TBL1XR1: variants seen among roughly 807,000 people sequenced by gnomAD.
The protein encoded by TBL1XR1 is F-box-like/WD repeat-containing protein TBL1XR1.
A neutral mutation model predicts 66.9 loss-of-function variants in TBL1XR1; 5 were observed. That is an observed-to-expected ratio of 0.07 (90% CI 0.04 to 0.16). The LOEUF (loss-of-function observed/expected upper bound fraction) is 0.16. Among genes scored for constraint, TBL1XR1 ranks in the 10% least tolerant of loss-of-function variants. The pLI is 1.00. For synonymous variants in TBL1XR1, 210 were observed against 206.0 expected (o/e 1.02, Z -0.17); for missense variants, 238 against 623.2 (o/e 0.38, Z 6.58).
In TBL1XR1 at chr3:177,119,030, G is replaced by A. The variant is rs544785655; in HGVS notation, c.-121-20489C>T. ...CTTGTACCCCAGGCTGGAGTGCAGT[G>A]GCATGATCTCGGTTCACTGTAACCT... On this transcript the variant is annotated intron_variant, in intron 1 of 15. Transcript: ENST00000457928. Among the ~76,000 whole-genome samples, 309 of 152,256 alleles carry A rather than the reference G, an allele frequency of 2.0e-3. 1 individual carries two copies. Among genetic ancestry groups the A allele is most frequent in the Admixed American group, 5.0e-3 (76 of 15,298 alleles).
intron 1 of TBL1XR1, among the ~76,000 whole-genome samples, chr3:177,126,855 A>C (rs1204152982): frequency 6.6e-6 from 1 of 151,872 alleles, no homozygotes; most frequent in African/African-American, 2.4e-5. Flanking sequence ...TTTACAGAGA[A>C]ATGCCCAAAT....
chr3:177,032,864 A>G, intron 14 of TBL1XR1, 107 bp downstream of exon 14: 1 of 925,836 alleles, frequency 1.1e-6, no homozygotes, highest in Non-Finnish European at 1.5e-6. Context: ...CAATAATTCA[A>G]TTAATGCCAC....
rs185104436 is a variant in TBL1XR1, at chr3:177,157,328, T to A, written c.-122+39793A>T. On this transcript the variant is annotated intron_variant, in intron 1 of 15. Coordinates refer to ENST00000457928, the MANE Select transcript of TBL1XR1 (RefSeq NM_024665.7). ...CCTTGGCTCAGGGCCTCGTCCTCCA[T>A]CTTCCAAGCCAAGAAATGTGTGCAT... Among the ~76,000 whole-genome samples, 173 of 152,340 alleles carry A rather than the reference T, an allele frequency of 1.1e-3. 2 individuals are homozygous for A. In the East Asian group the frequency reaches 0.032, roughly 28 times the overall value.
chr3:177,090,844 C>A (rs943698247), intron 2 of TBL1XR1, among the ~76,000 whole-genome samples: 19 of 152,020 alleles, frequency 1.2e-4, no homozygotes, highest in Admixed American at 1.1e-3. Context: ...AACAATTAGC[C>A]AGGCATGGTG....
rs564422602 is a variant in TBL1XR1 at position 177,046,224 on chromosome 3, G to T, written c.865-35C>A. ...AAAGGAAAAGAAAAATAAACTCATG[G>T]AAAGAAGTTTAACATACATGTGTAA... On this transcript the variant is annotated intron_variant, in intron 9 of 15. Coordinates refer to ENST00000457928, the MANE Select transcript of TBL1XR1 (RefSeq NM_024665.7). 2.0e-5 allele frequency: 29 copies of T among 1,477,920 alleles called. No individual in the cohort carries two copies. In the African/African-American group the frequency reaches 3.6e-4, roughly 18 times the overall value. The allele number at this position is 1,477,920 out of a possible 1,614,324, so 91.6% of individuals were successfully genotyped here. A position where few individuals can be genotyped will look rare whatever the true frequency, so the allele number is the denominator to read the frequency against.
At chr3:177,030,702 A>G (rs1460981066) in intron 14 of TBL1XR1, among the ~76,000 whole-genome samples, 1 of 152,252 alleles carries the variant, frequency 6.6e-6, no homozygotes, top group Non-Finnish European at 1.5e-5. Flanking sequence ...TTTGAAATGT[A>G]TAATTATTAA....
rs149474126 is a variant in TBL1XR1, at chr3:177,058,587, T to C, written c.59-4669A>G. 5.2e-3 allele frequency among the ~76,000 whole-genome samples: 798 copies of C among 152,358 alleles called. 12 individuals carry two copies. Among genetic ancestry groups the C allele is most frequent in the African/African-American group, 0.019 (771 of 41,586 alleles). On this transcript the variant is annotated intron_variant, in intron 3 of 15. Transcript: ENST00000457928. The stretch of plus-strand genomic sequence containing the variant: ...ATATTACCTCAAATATCTATATGTA[T>C]AGGCTTTTGCCATGTACAATGTGTG...
At chr3:177,026,636 C>A (rs942387518) in intron 14 of TBL1XR1, 162 bp from the exon 15 acceptor site, 24 of 556,542 alleles carry the variant, frequency 4.3e-5, no homozygotes, top group Non-Finnish European at 7.3e-5. Context: ...GTAATATGAT[C>A]CCTTTACAAA....
At chr3:177,198,089 T>A (rs937226902), upstream of TBL1XR1, among the ~76,000 whole-genome samples, 1 of 152,110 alleles carries the variant, frequency 6.6e-6, no homozygotes, top group Non-Finnish European at 1.5e-5. Flanking sequence ...CATTTGTTTG[T>A]GAAAATCTCT....
chr3:177,152,782 T>G (rs924882324), intron 1 of TBL1XR1, among the ~76,000 whole-genome samples: 61 of 152,330 alleles, frequency 4.0e-4, no homozygotes, highest in Non-Finnish European at 4.7e-4. Context: ...CCTAATTACC[T>G]TATTATTGCT....
intron 7 of TBL1XR1, 154 bp from the exon 8 acceptor site, chr3:177,047,703 A>G (rs1716506812): frequency 1.4e-6 from 1 of 729,178 alleles, no homozygotes; most frequent in Non-Finnish European, 2.3e-6. Context: ...AGTGCCACTA[A>G]AGGCCTATGA....
At position 177,090,756 on chromosome 3, in the gene TBL1XR1, A is replaced by T. The variant is rs145630218; in HGVS notation, c.-46+7710T>A. 3.0e-4 allele frequency among the ~76,000 whole-genome samples: 46 copies of T among 152,242 alleles called. No individual in the cohort carries two copies. In the South Asian group the frequency reaches 3.5e-3, roughly 12 times the overall value. ...AAGAATTGAGGCGGAGGTTGCAGTG[A>T]GCCAAGATCACGCCACTGCACTCCA... On this transcript the variant is annotated intron_variant, in intron 2 of 15. Transcript: ENST00000457928.
At chr3:177,049,502 G>A (rs901804375) in intron 7 of TBL1XR1, among the ~76,000 whole-genome samples, 10 of 152,110 alleles carry the variant, frequency 6.6e-5, no homozygotes, top group Non-Finnish European at 1.3e-4. Context: ...AAATTCAGAC[G>A]TTGTCTAGAC....
intron 1 of TBL1XR1, among the ~76,000 whole-genome samples, chr3:177,120,424 T>C (rs1726850715): frequency 6.6e-6 from 1 of 152,174 alleles, no homozygotes; most frequent in Non-Finnish European, 1.5e-5. Flanking sequence ...AACCAGCTAA[T>C]GGCAAAGGCT....
At chr3:177,031,026 C>T (rs1560096543) in intron 14 of TBL1XR1, among the ~76,000 whole-genome samples, 1 of 152,112 alleles carries the variant, frequency 6.6e-6, no homozygotes, top group South Asian at 2.1e-4. Flanking sequence ...GCAGGAGAAT[C>T]GCTTGAACCC....
intron 1 of TBL1XR1, among the ~76,000 whole-genome samples, chr3:177,141,937 A>C (rs935673979): frequency 1.3e-5 from 2 of 152,238 alleles, no homozygotes; most frequent in African/African-American, 2.4e-5. Flanking sequence ...AAGTATATTA[A>C]GGTAGTTCAT....
At chr3:177,070,087 A>T (rs1016567855) in intron 2 of TBL1XR1, among the ~76,000 whole-genome samples, 29 of 152,328 alleles carry the variant, frequency 1.9e-4, no homozygotes, top group African/African-American at 6.7e-4. Context: ...CATAATCTCA[A>T]TTAAGCAATT....
chr3:177,050,361 T>C lies in TBL1XR1; in HGVS notation c.560+117A>G, dbSNP rs1716891079. On this transcript the variant is annotated intron_variant, in intron 6 of 15. Transcript: ENST00000457928. Reference sequence around the variant, plus strand: ...TTACTTCATGAAGGAATAAAAAATTTACAGAGACAAAATGGCCACAACTAA... The same window carrying C: ...TTACTTCATGAAGGAATAAAAAATTCACAGAGACAAAATGGCCACAACTAA... The C allele has an allele frequency of 5.1e-6, 7 of 1,364,778 alleles. No individual in the cohort carries two copies. In the East Asian group the frequency reaches 1.3e-4, roughly 25 times the overall value. 84.5% of individuals were successfully genotyped at this position (1,364,778 alleles called of 1,614,324 possible).
Position 177,023,439 on chromosome 3 carries a change from T to G in TBL1XR1, c.*2059A>C, listed in dbSNP as rs1712652282. 1 of 152,488 alleles carries G rather than the reference T, an allele frequency of 6.6e-6. No individual in the cohort carries two copies. Among genetic ancestry groups the G allele is most frequent in the South Asian group, 2.1e-4 (1 of 4,792 alleles). The allele number at this position is 152,488 out of a possible 1,614,324, so 9.4% of individuals were successfully genotyped here. ...TACTCAGCATATTAGGTTTCCTACG[T>G]AAGTCACAGGGTAATATGTTCTAAA... On this transcript the variant is annotated 3_prime_UTR_variant, in exon 16 of 16. Transcript: ENST00000457928.
Sources: allele counts gnomAD v4.1 joint callset (sites outside exome capture counted in the v4.1 genomes callset), GRCh38; gene constraint gnomAD v4.1.1; transcripts MANE v1.5; gene names NCBI Gene and HGNC (gene_info 2026-07-23, HGNC 2026-07-21).